Variants in NAA15 observed in about 807,000 individuals in gnomAD.
NAA15 encodes the protein N-alpha-acetyltransferase 15, NatA auxiliary subunit.
In NAA15, 34 loss-of-function variants were observed where a neutral mutation model predicts 114.0. The ratio of observed to expected loss-of-function variants is 0.30; its 90% CI spans 0.23 to 0.40. The LOEUF (loss-of-function observed/expected upper bound fraction) is 0.40. NAA15 is among the 10% of genes least tolerant of loss of function. The probability of loss-of-function intolerance (pLI) is 1.00; values close to 1 mark genes in which losing one functional copy is unlikely to be tolerated. For missense variants in NAA15, 658 were observed against 1,004.5 expected (o/e 0.66, Z 4.66); for synonymous variants, 340 against 338.0 (o/e 1.01, Z -0.06).
chr4:139,384,191 G>A (rs1312678498), intron 17 of NAA15, among the ~76,000 whole-genome samples: 1 of 152,106 alleles, frequency 6.6e-6, no homozygotes, highest in Non-Finnish European at 1.5e-5. Context: ...TTTTTAATGT[G>A]TATTGCTGGG....
chr4:139,304,133 T>C (rs1239932078), intron 1 of NAA15, among the ~76,000 whole-genome samples: 9 of 152,256 alleles, frequency 5.9e-5, no homozygotes, highest in Non-Finnish European at 1.3e-4. Flanking sequence ...TTAGCCAGGA[T>C]GGTCTCAATC....
intron 1 of NAA15, among the ~76,000 whole-genome samples, chr4:139,332,313 T>C (rs531805531): frequency 6.6e-6 from 1 of 152,046 alleles, no homozygotes; most frequent in South Asian, 2.1e-4. Flanking sequence ...GTATTTTTAG[T>C]AGAAACGGGG....
chr4:139,328,661 G>A (rs1379270726), intron 1 of NAA15, among the ~76,000 whole-genome samples: 7 of 140,880 alleles, frequency 5.0e-5, no homozygotes, highest in Non-Finnish European at 9.1e-5. Context: ...TCCACCCCCC[G>A]GGTTCAAGTG....
intron 9 of NAA15, among the ~76,000 whole-genome samples, chr4:139,352,216 C>A (rs1429093707): frequency 6.6e-6 from 1 of 152,030 alleles, no homozygotes; most frequent in Non-Finnish European, 1.5e-5. Context: ...TCAAGCAATT[C>A]TTGTGCCTCA....
intron 1 of NAA15, among the ~76,000 whole-genome samples, chr4:139,303,291 G>A (rs548430124): frequency 3.3e-5 from 5 of 152,128 alleles, no homozygotes; most frequent in African/African-American, 4.8e-5. Flanking sequence ...AGACTAATTG[G>A]TGTGCAGGTA....
In NAA15 at chr4:139,360,511, A is replaced by G. The variant is rs201386221; in HGVS notation, c.1422A>G (p.Ser474=). ...TGATTTCTGTATAGGAAGGAACATCAGCGGTAGAGAATTTGAATGAAATGC... is the reference window on the plus strand; with the variant it reads ...TGATTTCTGTATAGGAAGGAACATCGGCGGTAGAGAATTTGAATGAAATGC... ...MCSKFTREGT[S]AVENLNEMQC... The change falls in exon 13 of 20, where the codon TCA becomes TCG. Residue 474 remains serine (S), a synonymous_variant. Coordinates refer to ENST00000296543, the MANE Select transcript of NAA15 (RefSeq NM_057175.5). 830 of 1,588,690 alleles carry G rather than the reference A, an allele frequency of 5.2e-4. No individual in the cohort carries two copies. Among genetic ancestry groups the G allele is most frequent in the Non-Finnish European group, 6.8e-4 (791 of 1,169,098 alleles).
chr4:139,311,831 G>A (rs1746235547), intron 1 of NAA15, among the ~76,000 whole-genome samples: 1 of 151,846 alleles, frequency 6.6e-6, no homozygotes, highest in South Asian at 2.1e-4. Context: ...GGGCGCAGGG[G>A]TGCATGCCAG....
At chr4:139,329,211 C>G (rs1746913579) in intron 1 of NAA15, among the ~76,000 whole-genome samples, 1 of 152,020 alleles carries the variant, frequency 6.6e-6, no homozygotes, top group Admixed American at 6.6e-5. Flanking sequence ...TTTACAAATT[C>G]TATTTGTTTT....
chr4:139,301,786 C>A lies in NAA15; in HGVS notation c.9C>A (p.Ala3=). ...CGGGAGCAGCCGGAACGATGCCGGC[C>A]GTGAGCCTCCCGCCCAAGGAGAATG... MP[A]VSLPPKENAL... The change falls in exon 1 of 20, where the codon GCC becomes GCA. Residue 3 remains alanine (A), a synonymous_variant. Transcript: ENST00000296543. The A allele has an allele frequency of 6.3e-7, 1 of 1,581,254 alleles. No homozygotes were observed. The highest frequency in any genetic ancestry group is 2.4e-5 in the East Asian group (1 of 42,328).
At chr4:139,340,654 A>G (rs1486176060) in intron 3 of NAA15, among the ~76,000 whole-genome samples, 1 of 152,204 alleles carries the variant, frequency 6.6e-6, no homozygotes, top group Non-Finnish European at 1.5e-5. Context: ...AGTAATGAGG[A>G]AACTTAATGA....
chr4:139,320,826 G>A (rs1746574698), intron 1 of NAA15, among the ~76,000 whole-genome samples: 1 of 151,992 alleles, frequency 6.6e-6, no homozygotes, highest in Non-Finnish European at 1.5e-5. Flanking sequence ...TGGCCTCCCT[G>A]GTGTTTTTTG....
intron 19 of NAA15, among the ~76,000 whole-genome samples, chr4:139,386,815 C>A (rs1004057478): frequency 6.6e-6 from 1 of 151,994 alleles, no homozygotes; most frequent in Admixed American, 6.5e-5. Flanking sequence ...GGGCAAGACC[C>A]TATCTCAAAA....
intron 19 of NAA15, among the ~76,000 whole-genome samples, chr4:139,387,391 G>A (rs576326405): frequency 6.6e-6 from 1 of 152,160 alleles, no homozygotes; most frequent in Non-Finnish European, 1.5e-5. Context: ...CTTAGTTATT[G>A]GATGTGCCTT....
At chr4:139,330,874 TA>T (rs1383667983) in intron 1 of NAA15, among the ~76,000 whole-genome samples, 1 of 152,216 alleles carries the variant, frequency 6.6e-6, no homozygotes, top group Non-Finnish European at 1.5e-5. Flanking sequence ...TAGTTTGCTG[TA>T]GTGTGAACTT....
In NAA15 at chr4:139,302,004, C is replaced by G. The variant is rs566338695; in HGVS notation, c.54+173C>G. ...TCCCTCTCTGTGGTTCCTACTATGG[C>G]CCGCGCGCCAGGGACCACAGGCTTC... On this transcript the variant is annotated intron_variant, in intron 1 of 19. Transcript: ENST00000296543. The G allele has an allele frequency of 6.0e-5, 38 of 631,810 alleles. No individual in the cohort carries two copies. The South Asian group carries it at 1.0e-3, about 17-fold the overall frequency. 39.1% of individuals were successfully genotyped at this position (631,810 alleles called of 1,614,324 possible).
intron 10 of NAA15, among the ~76,000 whole-genome samples, chr4:139,356,078 G>A (rs1372003808): frequency 1.3e-5 from 2 of 152,016 alleles, no homozygotes; most frequent in Non-Finnish European, 2.9e-5. Context: ...CAGCAAATAC[G>A]TTTTTAAAAA....
chr4:139,318,416 T>C (rs1038356032), intron 1 of NAA15: 2 of 152,114 alleles, frequency 1.3e-5, no homozygotes, highest in Admixed American at 6.6e-5. Flanking sequence ...ATTGGAACAA[T>C]ACAAAGAAGA....
intron 3 of NAA15, among the ~76,000 whole-genome samples, chr4:139,339,759 CAAACAACAACAACAACAACAAA>C (rs929245038): frequency 1.3e-5 from 2 of 151,726 alleles, no homozygotes; most frequent in African/African-American, 2.4e-5. Context: ...CAAAAACAAA[CAAACAACAACAACAACAACAAA>C]AAACAACAAA....
At chr4:139,309,449 G>GTGTA in intron 1 of NAA15, among the ~76,000 whole-genome samples, 1 of 151,182 alleles carries the variant, frequency 6.6e-6, no homozygotes, top group East Asian at 1.9e-4. Flanking sequence ...GTGTGTGTGT[G>GTGTA]TGTGTGTGTG....
Sources: gnomAD v4.1 joint callset for allele counts (sites outside exome capture counted in the v4.1 genomes callset) on GRCh38, gnomAD v4.1.1 for gene constraint, MANE v1.5 for transcripts, NCBI Gene and HGNC (gene_info 2026-07-23, HGNC 2026-07-21) for gene names.